MRPL39: variants seen among roughly 807,000 people sequenced by gnomAD.
The protein encoded by MRPL39 is mitochondrial ribosomal protein L39.
Under a neutral mutation model 44.5 loss-of-function variants are expected in MRPL39, and 35 were observed. The observed-to-expected ratio is 0.79, with a 90% confidence interval of 0.60 to 1.04. The LOEUF (loss-of-function observed/expected upper bound fraction) is 1.04, where lower values mean the gene tolerates loss of function less well. MRPL39 is among the 50% of genes least tolerant of loss of function. The pLI, the probability that MRPL39 is intolerant of heterozygous loss-of-function variation, is 0.00. For synonymous variants in MRPL39, 139 were observed against 136.1 expected (o/e 1.02, Z -0.15); for missense variants, 433 against 413.5 (o/e 1.05, Z -0.41).
upstream of MRPL39, chr21:25,607,595 C>T: frequency 1.0e-6 from 1 of 1,002,030 alleles, no homozygotes; most frequent in Non-Finnish European, 1.4e-6. Flanking sequence ...GACTGCTCGC[C>T]TCCACCGGGG....
Position 25,603,781 on chromosome 21 carries a change from T to C in MRPL39, c.420+15A>G. 2.5e-6 allele frequency: 4 copies of C among 1,590,472 alleles called. No homozygotes were observed. Among genetic ancestry groups the C allele is most frequent in the Non-Finnish European group, 3.4e-6 (4 of 1,170,078 alleles). ...ATACTGGGGAAATAGAAAAAGAATG[T>C]AGAGATAGAAATACCTTATTCACTT... On this transcript the variant is annotated intron_variant, in intron 3 of 9. Coordinates refer to ENST00000352957, the MANE Select transcript of MRPL39 (RefSeq NM_017446.4).
chr21:25,606,391 G>A, intron 2 of MRPL39, 58 bp downstream of exon 2: 1 of 1,411,320 alleles, frequency 7.1e-7, no homozygotes, highest in Non-Finnish European at 9.7e-7. Context: ...TCCTGCACCA[G>A]TGCTTCCACA....
At chr21:25,593,015 TA>T in intron 7 of MRPL39, 50 bp from the exon 8 acceptor site, 2 of 1,471,284 alleles carry the variant, frequency 1.4e-6, no homozygotes, top group Non-Finnish European at 1.8e-6. Context: ...AAATAATTTG[TA>T]AGAGCTTGAA....
At chr21:25,587,545 T>G (rs570270277) in intron 9 of MRPL39, among the ~76,000 whole-genome samples, 3 of 152,348 alleles carry the variant, frequency 2.0e-5, no homozygotes, top group South Asian at 2.1e-4. Flanking sequence ...GTGCTAATGT[T>G]GTGTTCAAAA....
intron 3 of MRPL39, among the ~76,000 whole-genome samples, chr21:25,602,395 G>A (rs906932774): frequency 7.2e-5 from 11 of 152,176 alleles, no homozygotes; most frequent in African/African-American, 2.2e-4. Flanking sequence ...AGAATAGCAC[G>A]AACTCACAGA....
chr21:25,589,400 A>G (rs2031102204), intron 8 of MRPL39, among the ~76,000 whole-genome samples: 1 of 149,702 alleles, frequency 6.7e-6, no homozygotes, highest in Non-Finnish European at 1.5e-5. Context: ...AATAAGTAAA[A>G]CCTAACAAAG....
intron 7 of MRPL39, 91 bp downstream of exon 7, chr21:25,593,802 A>C: frequency 9.1e-7 from 1 of 1,104,694 alleles, no homozygotes. Flanking sequence ...TAAGACACAA[A>C]TTCATCTTTT....
At chr21:25,602,933 A>G (rs1452317335) in intron 3 of MRPL39, among the ~76,000 whole-genome samples, 2 of 152,126 alleles carry the variant, frequency 1.3e-5, no homozygotes, top group Admixed American at 1.3e-4. Flanking sequence ...GTGACTGGAT[A>G]ATGGGGCGGT....
chr21:25,589,850 G>A (rs2031116070), intron 8 of MRPL39, among the ~76,000 whole-genome samples: 1 of 152,238 alleles, frequency 6.6e-6, no homozygotes, highest in Admixed American at 6.5e-5. Context: ...TGAACTGCTG[G>A]TGCAGAGACC....
chr21:25,604,079 T>C (rs1244057671), intron 2 of MRPL39, 144 bp from the exon 3 acceptor site: 2 of 728,902 alleles, frequency 2.7e-6, no homozygotes, highest in Non-Finnish European at 4.3e-6. Context: ...ATTACGTCTA[T>C]AATCAATTAA....
intron 6 of MRPL39, among the ~76,000 whole-genome samples, chr21:25,594,247 T>TAC (rs1568862225): frequency 1.8e-4 from 2 of 10,840 alleles, no homozygotes; most frequent in Non-Finnish European, 4.7e-4. Flanking sequence ...TATTTCTTTG[T>TAC]TCTTTTTTTT....
At chr21:25,596,199 C>T (rs888939693) in intron 6 of MRPL39, among the ~76,000 whole-genome samples, 3 of 151,994 alleles carry the variant, frequency 2.0e-5, no homozygotes, top group Admixed American at 1.3e-4. Context: ...CCCGGGTTCA[C>T]GCCATTCTCC....
In MRPL39 at chr21:25,601,450, A is replaced by T. The variant is rs775946967; in HGVS notation, c.438T>A (p.Cys146Ter). The stretch of plus-strand genomic sequence containing the variant: ...CTATCACACAGCCCATCATCATAGC[A>T]CAGGAACGCCAATATGCCTAGAAAA... ...GEVNKAYWRS[C>*]AMMMGCVIER... The change falls in exon 4 of 10, where the codon TGT (cysteine) becomes TGA (stop). Residue 146 changes from cysteine to a stop codon, truncating the protein, a stop_gained. Coordinates refer to ENST00000352957, the MANE Select transcript of MRPL39 (RefSeq NM_017446.4). LOFTEE classifies it high-confidence loss of function. The T allele has an allele frequency of 2.5e-6, 4 of 1,593,068 alleles. No homozygotes were observed. Among genetic ancestry groups the T allele is most frequent in the Middle Eastern group, 1.7e-4 (1 of 5,988 alleles).
At chr21:25,602,096 A>G (rs2031541355) in intron 3 of MRPL39, among the ~76,000 whole-genome samples, 1 of 152,240 alleles carries the variant, frequency 6.6e-6, no homozygotes, top group Non-Finnish European at 1.5e-5. Context: ...TACTCTGTGC[A>G]CTTTTCAGAA....
chr21:25,598,258 CT>C (rs34123837), intron 5 of MRPL39, among the ~76,000 whole-genome samples: 106,247 of 151,536 alleles, frequency 0.7, 38,695 homozygotes, highest in Non-Finnish European at 0.82. Context: ...TCCATGGAGT[CT>C]GCAATCAGCT....
At chr21:25,601,823 A>C (rs2031533834) in intron 3 of MRPL39, among the ~76,000 whole-genome samples, 1 of 152,248 alleles carries the variant, frequency 6.6e-6, no homozygotes, top group South Asian at 2.1e-4. Context: ...AAATATATTA[A>C]TTATGTAACT....
At position 25,606,610 on chromosome 21, in the gene MRPL39, AAT is replaced by A. The variant is rs2031681259; in HGVS notation, c.117_118del (p.Glu39AspfsTer7). 1.2e-6 allele frequency: 2 copies of A among 1,613,928 alleles called. No individual in the cohort carries two copies. Among genetic ancestry groups the A allele is most frequent in the African/African-American group, 2.7e-5 (2 of 74,920 alleles). On this transcript the variant is annotated frameshift_variant, in exon 2 of 10. Transcript: ENST00000352957. LOFTEE classifies it high-confidence loss of function. ...AAAGAGATCATTCCGCATTTCTGTC[AAT>A]TCTGTCGGTGACAGCTGAGAAGCTG...
intron 8 of MRPL39, 57 bp downstream of exon 8, chr21:25,592,755 G>T (rs1485373708): frequency 3.0e-6 from 4 of 1,319,852 alleles, no homozygotes; most frequent in Non-Finnish European, 4.1e-6. Context: ...ATAAAATCAA[G>T]TCCGGAATTA....
At chr21:25,591,182 C>A (rs2031168504) in intron 8 of MRPL39, among the ~76,000 whole-genome samples, 4 of 148,352 alleles carry the variant, frequency 2.7e-5, no homozygotes, top group African/African-American at 1.0e-4. Flanking sequence ...AACTCTAAAA[C>A]TTTTAGGAGG....
Sources: allele counts gnomAD v4.1 joint callset (sites outside exome capture counted in the v4.1 genomes callset), GRCh38; gene constraint gnomAD v4.1.1; transcripts MANE v1.5; gene names NCBI Gene and HGNC (gene_info 2026-07-23, HGNC 2026-07-21).